Variants in WDTC1 observed in about 807,000 individuals in gnomAD.
The protein encoded by WDTC1 is WD and tetratricopeptide repeats protein 1.
Under a neutral mutation model 76.0 loss-of-function variants are expected in WDTC1, and 12 were observed. That is an observed-to-expected ratio of 0.16 (90% CI 0.10 to 0.26). The LOEUF (loss-of-function observed/expected upper bound fraction) is 0.26, where lower values mean the gene tolerates loss of function less well. WDTC1 is among the 10% of genes least tolerant of loss of function. WDTC1 has a pLI of 1.00. For synonymous variants in WDTC1, 326 were observed against 350.8 expected (o/e 0.93, Z 0.79); for missense variants, 511 against 908.8 (o/e 0.56, Z 5.63).
chr1:27,294,657 C>G, intron 9 of WDTC1, 28 bp downstream of exon 9: 1 of 1,599,232 alleles, frequency 6.3e-7, no homozygotes, highest in Non-Finnish European at 8.6e-7. Flanking sequence ...TGGTTCTGCC[C>G]CATCACCATT....
At chr1:27,282,651 C>T (rs963260704) in intron 4 of WDTC1, among the ~76,000 whole-genome samples, 4 of 151,804 alleles carry the variant, frequency 2.6e-5, no homozygotes, top group Admixed American at 2.6e-4. Context: ...TACAGGCATG[C>T]GCCACCATGC....
intron 1 of WDTC1, among the ~76,000 whole-genome samples, chr1:27,260,326 C>T (rs1458799568): frequency 1.3e-5 from 2 of 152,152 alleles, no homozygotes; most frequent in Non-Finnish European, 1.5e-5. Context: ...AGGATGGTCT[C>T]GATCTCCTGA....
At chr1:27,239,349 C>A (rs1422579082) in intron 1 of WDTC1, among the ~76,000 whole-genome samples, 3 of 150,138 alleles carry the variant, frequency 2.0e-5, no homozygotes, top group Admixed American at 6.6e-5. Context: ...GAAACCCAGT[C>A]TCTACAAAAA....
rs993153019 is a variant in WDTC1 at position 27,308,349 on chromosome 1, T to G, written c.*1966T>G. ...TATGACTTAGTAACCACACCTCTAC[T>G]GGACAGAATGAGGCCTGCCTTGAAG... On this transcript the variant is annotated 3_prime_UTR_variant, in exon 16 of 16. Coordinates refer to ENST00000319394, the MANE Select transcript of WDTC1 (RefSeq NM_001276252.2). 1 of 152,186 alleles carries G rather than the reference T, an allele frequency of 6.6e-6. No homozygotes were observed. The highest frequency in any genetic ancestry group is 2.4e-5 in the African/African-American group (1 of 41,428). 9.4% of individuals were successfully genotyped at this position (152,186 alleles called of 1,614,324 possible). A position where few individuals can be genotyped will look rare whatever the true frequency, so the allele number is the denominator to read the frequency against.
chr1:27,286,093 C>A (rs1187092617), intron 5 of WDTC1, among the ~76,000 whole-genome samples: 1 of 149,504 alleles, frequency 6.7e-6, no homozygotes, highest in Non-Finnish European at 1.5e-5. Flanking sequence ...GCAACCTCCA[C>A]CTCCCGGCTT....
chr1:27,263,250 T>C lies in WDTC1; in HGVS notation c.132+15T>C, dbSNP rs765545637. On this transcript the variant is annotated intron_variant, in intron 3 of 15. Coordinates refer to ENST00000319394, the MANE Select transcript of WDTC1 (RefSeq NM_001276252.2). The stretch of plus-strand genomic sequence containing the variant: ...CAGAGCTGCAGGTAAGAGATCCAGT[T>C]TGCACCTTAGATGCAGATGGCCTGC... 1 of 1,611,140 alleles carries C rather than the reference T, an allele frequency of 6.2e-7. No individual in the cohort carries two copies. The highest frequency in any genetic ancestry group is 8.5e-7 in the Non-Finnish European group (1 of 1,179,152).
rs1187929074 is a variant in WDTC1 at position 27,301,768 on chromosome 1, G to A, written c.1468+307G>A. ...GGAAGCTGAGCTCAGTCAGGCTCCC[G>A]CTAGGCATTCACACCTGCTTAGACA... On this transcript the variant is annotated intron_variant, in intron 13 of 15. Coordinates refer to ENST00000319394, the MANE Select transcript of WDTC1 (RefSeq NM_001276252.2). This position sits in a 1 kb window ranked among gnomAD's most constrained non-coding sequence, Gnocchi z 5.8. 6.6e-6 allele frequency among the ~76,000 whole-genome samples: 1 copy of A among 152,186 alleles called. No homozygotes were observed. Among genetic ancestry groups the A allele is most frequent in the East Asian group, 1.9e-4 (1 of 5,202 alleles).
chr1:27,237,613 G>C (rs1196789598), intron 1 of WDTC1, among the ~76,000 whole-genome samples: 5 of 152,108 alleles, frequency 3.3e-5, no homozygotes, highest in African/African-American at 1.2e-4. Context: ...ACTTTGGGAG[G>C]CTGAGGTGGG....
At position 27,264,452 on chromosome 1, in the gene WDTC1, T is replaced by TA. The variant is rs553213081; in HGVS notation, c.132+1228dup. On this transcript the variant is annotated intron_variant, in intron 3 of 15. Coordinates refer to ENST00000319394, the MANE Select transcript of WDTC1 (RefSeq NM_001276252.2). Reference sequence around the variant, plus strand: ...AATTAAAATGAAATAATAAAATGTTTAAAAAAAAAAACCAAAACCAAAAAC... The same window carrying TA: ...AATTAAAATGAAATAATAAAATGTTTAAAAAAAAAAAACCAAAACCAAAAAC... Among the ~76,000 whole-genome samples, 1,426 of 146,278 alleles carry TA rather than the reference T, an allele frequency of 9.7e-3. 11 individuals are homozygous for TA. The highest frequency in any genetic ancestry group is 0.041 in the South Asian group (188 of 4,630).
rs1388210303 is a variant in WDTC1 at position 27,307,651 on chromosome 1, CCT to C, written c.*1272_*1273del. 1.3e-5 allele frequency: 2 copies of C among 152,876 alleles called. No individual in the cohort carries two copies. Among genetic ancestry groups the C allele is most frequent in the African/African-American group, 4.8e-5 (2 of 41,434 alleles). The allele number at this position is 152,876 out of a possible 1,614,324, so 9.5% of individuals were successfully genotyped here. ...CAGCCCCTGTCTCTGCCAGGTGCCT[CCT>C]CTCAGTCAGGCTTCAGAGCAGCCCT... is the stretch of plus-strand genomic sequence containing the variant. On this transcript the variant is annotated 3_prime_UTR_variant, in exon 16 of 16. Transcript: ENST00000319394. The surrounding 1 kb of genome is among the most constrained non-coding windows in gnomAD (Gnocchi z 4.1).
rs1557487196 is a variant in WDTC1, at chr1:27,263,145, C to G, written c.49-7C>G. 1.9e-6 allele frequency: 3 copies of G among 1,613,074 alleles called. No individual in the cohort carries two copies. The highest frequency in any genetic ancestry group is 2.5e-6 in the Non-Finnish European group (3 of 1,179,606). On this transcript the variant is annotated splice_polypyrimidine_tract_variant and splice_region_variant and intron_variant, in intron 2 of 15. Transcript: ENST00000319394. ...AATGAAATCACGAATTTGTTTCTGTCCCCTAGGAGCGGGGTGCCCTGAGCT... is the reference window on the plus strand; with the variant it reads ...AATGAAATCACGAATTTGTTTCTGTGCCCTAGGAGCGGGGTGCCCTGAGCT...
chr1:27,253,422 C>CCCT (rs2012163292), intron 1 of WDTC1, among the ~76,000 whole-genome samples: 1 of 113,304 alleles, frequency 8.8e-6, no homozygotes. Context: ...CCTCCTCCTC[C>CCCT]CTCCTCCCTC....
At chr1:27,260,839 T>C (rs2012454847) in intron 1 of WDTC1, 117 bp from the exon 2 acceptor site, 1 of 594,884 alleles carries the variant, frequency 1.7e-6, no homozygotes, top group Admixed American at 3.0e-5. Flanking sequence ...CAGCCCACCA[T>C]GCCACAAATG....
rs372394658 is a variant in WDTC1, at chr1:27,287,894, G to A, written c.479+33G>A. On this transcript the variant is annotated intron_variant, in intron 6 of 15. Coordinates refer to ENST00000319394, the MANE Select transcript of WDTC1 (RefSeq NM_001276252.2). ...TCTGGGGCATCTAGTGGAGCCTGTCGCTCCCCCATCCCATCATCCTATAGT... is the reference window on the plus strand; with the variant it reads ...TCTGGGGCATCTAGTGGAGCCTGTCACTCCCCCATCCCATCATCCTATAGT... 1.0e-4 allele frequency: 160 copies of A among 1,594,570 alleles called. 2 individuals are homozygous for A. Among genetic ancestry groups the A allele is most frequent in the Middle Eastern group, 8.4e-4 (5 of 5,982 alleles).
intron 3 of WDTC1, among the ~76,000 whole-genome samples, chr1:27,269,400 G>A (rs989837135): frequency 2.0e-5 from 3 of 150,830 alleles, no homozygotes; most frequent in Non-Finnish European, 4.4e-5. Flanking sequence ...TGTGGCAAGA[G>A]AGAATAGAGA....
intron 1 of WDTC1, among the ~76,000 whole-genome samples, chr1:27,237,049 G>T (rs956435014): frequency 1.3e-5 from 2 of 152,168 alleles, no homozygotes; most frequent in Non-Finnish European, 2.9e-5. Flanking sequence ...TCTTGGCCAG[G>T]CTGGTCTTGA....
intron 7 of WDTC1, 146 bp from the exon 8 acceptor site, chr1:27,293,876 T>TG (rs2013609464): frequency 1.6e-6 from 1 of 640,638 alleles, no homozygotes. Context: ...GTCTAGTTGG[T>TG]GGGCCTTTGG....
chr1:27,284,766 T>TAAA (rs58267043), intron 5 of WDTC1, among the ~76,000 whole-genome samples: 1 of 143,710 alleles, frequency 7.0e-6, no homozygotes, highest in Non-Finnish European at 1.5e-5. Context: ...CTCTTCTATT[T>TAAA]AAAAAAAAAA....
Position 27,234,696 on chromosome 1 carries a change from C to T in WDTC1, c.-355C>T. ...CAGAGGAGGAGGAGGGAGGGGAGTGCGTGTGTGAGAGCGCGCGAGGGAGTG... is the reference window on the plus strand; with the variant it reads ...CAGAGGAGGAGGAGGGAGGGGAGTGTGTGTGTGAGAGCGCGCGAGGGAGTG... On this transcript the variant is annotated 5_prime_UTR_variant, in exon 1 of 16. Transcript: ENST00000319394. 1 of 397,616 alleles carries T rather than the reference C, an allele frequency of 2.5e-6. No homozygotes were observed. The highest frequency in any genetic ancestry group is 4.4e-6 in the Non-Finnish European group (1 of 225,358). The allele number at this position is 397,616 out of a possible 1,614,324, so 24.6% of individuals were successfully genotyped here.
Sources: gnomAD v4.1 joint callset for allele counts (sites outside exome capture counted in the v4.1 genomes callset) on GRCh38, gnomAD v4.1.1 for gene constraint, Gnocchi (gnomAD v3.1) non-coding constraint, MANE v1.5 for transcripts, NCBI Gene and HGNC (gene_info 2026-07-23, HGNC 2026-07-21) for gene names.